The following ACTR3C variants were observed in gnomAD, a reference collection of about 807,000 sequenced individuals.
The protein encoded by ACTR3C is actin related protein 3C, also known as actin-related protein 3C.
A neutral mutation model predicts 26.3 loss-of-function variants in ACTR3C; 18 were observed. The ratio of observed to expected loss-of-function variants is 0.68; its 90% confidence interval spans 0.47 to 1.01. The LOEUF (loss-of-function observed/expected upper bound fraction) is 1.01, where lower values mean the gene tolerates loss of function less well. Ranked by LOEUF, ACTR3C falls within the 50% of genes least tolerant of loss-of-function variation. The probability of loss-of-function intolerance (pLI) is 0.00; values close to 1 mark genes in which losing one functional copy is unlikely to be tolerated. For missense variants in ACTR3C, 184 were observed against 250.7 expected (o/e 0.73, Z 1.80); for synonymous variants, 55 against 94.5 (o/e 0.58, Z 2.42).
At chr7:150,266,638 C>G (rs1051703090) in intron 6 of ACTR3C, among the ~76,000 whole-genome samples, 1 of 151,948 alleles carries the variant, frequency 6.6e-6, no homozygotes, top group African/African-American at 2.4e-5. Context: ...AAAAGACAAG[C>G]CACAGACTAG....
At chr7:150,034,438 G>C in the ACTR3C span, among the ~76,000 whole-genome samples, 1 of 151,380 alleles carries the variant, frequency 6.6e-6, no homozygotes, top group Non-Finnish European at 1.5e-5. Flanking sequence ...TGAAAAACTT[G>C]CTGTTGTTGG....
chr7:150,227,125 T>G, the ACTR3C span, among the ~76,000 whole-genome samples: 1 of 150,532 alleles, frequency 6.6e-6, no homozygotes, highest in Middle Eastern at 3.2e-3. Context: ...AACTTAACAT[T>G]GTGTGTGTGT....
chr7:150,172,767 A>G, the ACTR3C span, among the ~76,000 whole-genome samples: 4 of 150,820 alleles, frequency 2.7e-5, no homozygotes, highest in African/African-American at 7.5e-5. Context: ...CAATGGAGGT[A>G]CCAGTATTGG....
the ACTR3C span, among the ~76,000 whole-genome samples, chr7:149,918,552 C>T: frequency 6.6e-6 from 1 of 152,080 alleles, no homozygotes; most frequent in African/African-American, 2.4e-5. Context: ...TAGTCAGGTG[C>T]GGTGGCGCAT....
the ACTR3C span, among the ~76,000 whole-genome samples, chr7:149,925,702 T>C: frequency 1.3e-5 from 2 of 151,612 alleles, no homozygotes; most frequent in Non-Finnish European, 2.9e-5. Context: ...TCATACCTTA[T>C]CTCAGGATAA....
chr7:150,122,228 T>C, the ACTR3C span, among the ~76,000 whole-genome samples: 1 of 151,592 alleles, frequency 6.6e-6, no homozygotes, highest in Non-Finnish European at 1.5e-5. Context: ...AATTGACAAA[T>C]GGGATCTAAT....
At chr7:150,018,380 T>C in the ACTR3C span, among the ~76,000 whole-genome samples, 27,564 of 148,544 alleles carry the variant, frequency 0.19, 3,494 homozygotes, top group African/African-American at 0.26. Flanking sequence ...TATTTTCACT[T>C]CCTTTGAGAT....
chr7:149,971,494 C>T, the ACTR3C span, among the ~76,000 whole-genome samples: 4 of 152,162 alleles, frequency 2.6e-5, no homozygotes, highest in African/African-American at 9.7e-5. Flanking sequence ...CTTAGCTTTG[C>T]TCTTCTCTAA....
At chr7:149,914,732 G>A in the ACTR3C span, among the ~76,000 whole-genome samples, 2 of 151,504 alleles carry the variant, frequency 1.3e-5, no homozygotes, top group Admixed American at 1.3e-4. Context: ...AACACTAGAA[G>A]AATCCTTATT....
At chr7:150,312,502 C>T (rs1796412509) in intron 1 of ACTR3C, among the ~76,000 whole-genome samples, 1 of 152,138 alleles carries the variant, frequency 6.6e-6, no homozygotes, top group Non-Finnish European at 1.5e-5. Flanking sequence ...CTTTCCTGGC[C>T]TAAAAACTCA....
At chr7:149,947,286 T>C in the ACTR3C span, among the ~76,000 whole-genome samples, 1 of 138,802 alleles carries the variant, frequency 7.2e-6, no homozygotes, top group Admixed American at 7.0e-5. Context: ...GTCTTAAATA[T>C]GACTTTTTTA....
chr7:150,192,463 A>G, the ACTR3C span, among the ~76,000 whole-genome samples: 2 of 152,052 alleles, frequency 1.3e-5, 1 homozygote, highest in Non-Finnish European at 2.9e-5. Flanking sequence ...CACCACGTCC[A>G]GTTAACTTAA....
chr7:150,124,359 G>C, the ACTR3C span, among the ~76,000 whole-genome samples: 1 of 152,160 alleles, frequency 6.6e-6, no homozygotes, highest in African/African-American at 2.4e-5. Context: ...ATCCCTGGAG[G>C]GATAATAAGA....
chr7:150,257,892 T>C (rs1471025251), intron 6 of ACTR3C, among the ~76,000 whole-genome samples: 4 of 151,832 alleles, frequency 2.6e-5, no homozygotes, highest in African/African-American at 9.7e-5. Context: ...CTTCTGGTGG[T>C]TGGAGAGGCA....
At chr7:150,238,755 T>C in the ACTR3C span, among the ~76,000 whole-genome samples, 1 of 149,392 alleles carries the variant, frequency 6.7e-6, no homozygotes, top group Non-Finnish European at 1.5e-5. Flanking sequence ...AACCATGCAA[T>C]TAGGATTAGG....
At chr7:150,300,206 C>T (rs1424047814) in intron 1 of ACTR3C, among the ~76,000 whole-genome samples, 1 of 152,004 alleles carries the variant, frequency 6.6e-6, no homozygotes, top group East Asian at 1.9e-4. Flanking sequence ...CAAAAATTAG[C>T]CAGGCTTGGT....
chr7:150,263,927 A>G (rs1459932215), intron 6 of ACTR3C, among the ~76,000 whole-genome samples: 4 of 152,366 alleles, frequency 2.6e-5, no homozygotes, highest in African/African-American at 4.8e-5. Flanking sequence ...TTAAGCAAAT[A>G]CTCAGGAAGA....
At chr7:150,280,818 G>GTGTATA (rs1311848604) in intron 6 of ACTR3C, among the ~76,000 whole-genome samples, 28 of 141,050 alleles carry the variant, frequency 2.0e-4, no homozygotes, top group African/African-American at 7.9e-4. Flanking sequence ...GTGTGTGTGT[G>GTGTATA]TATATATATA....
At chr7:150,242,170 C>T (rs1291142582), downstream of ACTR3C, among the ~76,000 whole-genome samples, 3 of 151,144 alleles carry the variant, frequency 2.0e-5, no homozygotes, top group South Asian at 2.1e-4. Flanking sequence ...GAGACGAGAT[C>T]GCACCACTGC....
Sources: allele counts gnomAD v4.1 joint callset (sites outside exome capture counted in the v4.1 genomes callset), GRCh38; gene constraint gnomAD v4.1.1; transcripts MANE v1.5; gene names NCBI Gene and HGNC (gene_info 2026-07-23, HGNC 2026-07-21).